The following RBFOX1 variants were observed in gnomAD, a reference collection of about 807,000 sequenced individuals.
RBFOX1 encodes the protein RNA binding fox-1 homolog 1, also known as RNA binding protein fox-1 homolog 1.
RBFOX1 carries 8 observed loss-of-function variants against 57.7 expected under a neutral mutation model. The observed-to-expected ratio is 0.14, with a 90% CI of 0.08 to 0.25. The LOEUF (loss-of-function observed/expected upper bound fraction) is 0.25, where lower values mean the gene tolerates loss of function less well. Among genes scored for constraint, RBFOX1 ranks in the 10% least tolerant of loss-of-function variants. The pLI is 1.00. For synonymous variants in RBFOX1, 326 were observed against 222.4 expected, an observed-to-expected ratio of 1.47 and a Z score of -4.15; for missense variants, 611 against 548.5, an observed-to-expected ratio of 1.11 and a Z score of -1.14.
chr16:5,646,890 C>T (rs1184409761), intron 3 of RBFOX1, among the ~76,000 whole-genome samples: 1 of 152,080 alleles, frequency 6.6e-6, no homozygotes, highest in East Asian at 1.9e-4. Context: ...GCCTCAGCCT[C>T]CCAAACTGCT....
At chr16:6,031,158 A>G (rs112348938) in intron 1 of RBFOX1, among the ~76,000 whole-genome samples, 57 of 152,300 alleles carry the variant, frequency 3.7e-4, no homozygotes, top group African/African-American at 1.3e-3. Flanking sequence ...GCCACATTTA[A>G]GCTACGGCCT....
At chr16:6,375,793 C>T (rs1346759038) in intron 2 of RBFOX1, among the ~76,000 whole-genome samples, 1 of 152,092 alleles carries the variant, frequency 6.6e-6, no homozygotes, top group Non-Finnish European at 1.5e-5. Context: ...AAAGGGTATC[C>T]ATGATGAACA....
At chr16:5,500,614 C>T (rs1290347322) in intron 2 of RBFOX1, among the ~76,000 whole-genome samples, 5 of 152,182 alleles carry the variant, frequency 3.3e-5, no homozygotes, top group Admixed American at 2.0e-4. Flanking sequence ...ACCTAGAGTT[C>T]TCTCTCAACC....
chr16:7,376,652 G>A (rs987356066), intron 4 of RBFOX1, among the ~76,000 whole-genome samples: 1 of 152,164 alleles, frequency 6.6e-6, no homozygotes, highest in Non-Finnish European at 1.5e-5. Context: ...GTCATTTGAA[G>A]ATCATCGGTG....
intron 3 of RBFOX1, among the ~76,000 whole-genome samples, chr16:6,718,867 G>A (rs2065362294): frequency 6.6e-6 from 1 of 151,526 alleles, no homozygotes; most frequent in African/African-American, 2.4e-5. Flanking sequence ...TTTTGTTGTT[G>A]TTGCTTGTTT....
At chr16:6,896,612 A>G (rs117181627) in intron 3 of RBFOX1, among the ~76,000 whole-genome samples, 1,885 of 152,290 alleles carry the variant, frequency 0.012, 22 homozygotes, top group Non-Finnish European at 0.02. Flanking sequence ...ATCCTCTGCT[A>G]TGTAATCTGC....
intron 2 of RBFOX1, among the ~76,000 whole-genome samples, chr16:6,574,825 T>C (rs1210164869): frequency 1.4e-5 from 2 of 146,912 alleles, no homozygotes; most frequent in Non-Finnish European, 3.0e-5. Flanking sequence ...GATCACGAGG[T>C]CAGGCGATCC....
chr16:6,524,210 T>C (rs549335224), intron 2 of RBFOX1, among the ~76,000 whole-genome samples: 1 of 152,332 alleles, frequency 6.6e-6, no homozygotes, highest in East Asian at 1.9e-4. Flanking sequence ...ATCATTTTTA[T>C]TTCTAGATCC....
intron 2 of RBFOX1, among the ~76,000 whole-genome samples, chr16:6,557,048 TATATATACATATATACATAC>T (rs1284860801): frequency 4.5e-4 from 54 of 121,162 alleles, no homozygotes; most frequent in African/African-American, 2.0e-3. Flanking sequence ...TATATATACA[TATATATACATATATACATAC>T]ATATATACAT....
At chr16:7,059,461 A>G (rs931950425) in intron 4 of RBFOX1, among the ~76,000 whole-genome samples, 1 of 152,210 alleles carries the variant, frequency 6.6e-6, no homozygotes, top group African/African-American at 2.4e-5. Context: ...ATAATATACT[A>G]AAACTTGCAC....
chr16:7,690,796 A>C (rs1267251392), intron 14 of RBFOX1, among the ~76,000 whole-genome samples: 8 of 152,098 alleles, frequency 5.3e-5, no homozygotes, highest in Admixed American at 5.2e-4. Flanking sequence ...GGGCCCTCTA[A>C]ATCAATAGTC....
At chr16:5,473,462 A>T (rs977156867) in intron 2 of RBFOX1, among the ~76,000 whole-genome samples, 8 of 151,900 alleles carry the variant, frequency 5.3e-5, no homozygotes, top group Admixed American at 2.0e-4. Context: ...AATAAGCAGT[A>T]CCTCACCTTT....
chr16:6,919,670 A>T (rs11643321), intron 3 of RBFOX1, among the ~76,000 whole-genome samples: 105,913 of 151,824 alleles, frequency 0.7, 37,013 homozygotes, highest in Non-Finnish European at 0.71. Context: ...TCCAGATTGA[A>T]TCCAGATCCA....
intron 4 of RBFOX1, among the ~76,000 whole-genome samples, chr16:7,074,826 A>G (rs2058012800): frequency 1.3e-5 from 2 of 152,166 alleles, no homozygotes; most frequent in African/African-American, 2.4e-5. Flanking sequence ...CTTTTGGAAA[A>G]GAGATCTATA....
At chr16:6,828,032 G>C (rs2092362554) in intron 3 of RBFOX1, among the ~76,000 whole-genome samples, 1 of 152,252 alleles carries the variant, frequency 6.6e-6, no homozygotes, top group African/African-American at 2.4e-5. Context: ...CTCAATACTG[G>C]CACTGGTAAA....
chr16:6,924,671 CTT>C (rs111363554), intron 3 of RBFOX1, among the ~76,000 whole-genome samples: 3 of 149,482 alleles, frequency 2.0e-5, no homozygotes, highest in Non-Finnish European at 4.5e-5. Flanking sequence ...TACCTTTATT[CTT>C]TTTTTTTTAA....
chr16:6,968,572 A>G (rs2084809447), intron 3 of RBFOX1, among the ~76,000 whole-genome samples: 1 of 152,094 alleles, frequency 6.6e-6, no homozygotes, highest in Non-Finnish European at 1.5e-5. Context: ...AAGTCTCAGA[A>G]TGATGTGAAG....
chr16:6,535,510 A>G (rs1178306552), intron 2 of RBFOX1, among the ~76,000 whole-genome samples: 1 of 151,700 alleles, frequency 6.6e-6, no homozygotes, highest in African/African-American at 2.4e-5. Context: ...TTCCCTATAA[A>G]CTCCATGTGG....
intron 1 of RBFOX1, among the ~76,000 whole-genome samples, chr16:6,256,247 GTATATATA>G (rs1202068255): frequency 8.3e-4 from 65 of 78,334 alleles, no homozygotes; most frequent in African/African-American, 3.6e-3. Flanking sequence ...ATATATATAT[GTATATATA>G]TGTGTATATA....
Sources: allele counts gnomAD v4.1 joint callset (sites outside exome capture counted in the v4.1 genomes callset), GRCh38; gene constraint gnomAD v4.1.1; transcripts MANE v1.5; gene names NCBI Gene and HGNC (gene_info 2026-07-23, HGNC 2026-07-21).